The following TEAD1 variants were observed in gnomAD, a reference collection of about 807,000 sequenced individuals.
The protein encoded by TEAD1 is transcriptional enhancer factor TEF-1.
TEAD1 carries 9 observed loss-of-function variants against 54.9 expected under a neutral mutation model. The ratio of observed to expected loss-of-function variants is 0.16; its 90% CI spans 0.10 to 0.29. TEAD1 has a LOEUF of 0.29. Among genes scored for constraint, TEAD1 ranks in the 10% least tolerant of loss-of-function variants. The probability of loss-of-function intolerance (pLI) is 1.00; values close to 1 mark genes in which losing one functional copy is unlikely to be tolerated. For synonymous variants in TEAD1, 200 were observed against 187.8 expected (o/e 1.07, Z -0.53); for missense variants, 387 against 535.9 (o/e 0.72, Z 2.74).
chr11:12,684,928 C>A (rs1271816363), intron 2 of TEAD1, among the ~76,000 whole-genome samples: 1 of 152,166 alleles, frequency 6.6e-6, no homozygotes, highest in East Asian at 1.9e-4. Flanking sequence ...GTGCCTAACT[C>A]CAGGTACTTC....
At chr11:12,850,107 G>T (rs1226920972) in intron 3 of TEAD1, among the ~76,000 whole-genome samples, 1 of 152,160 alleles carries the variant, frequency 6.6e-6, no homozygotes, top group African/African-American at 2.4e-5. Context: ...AAGCAACGAA[G>T]ACATATAAAC....
chr11:12,897,045 G>T (rs1425227922), intron 9 of TEAD1, among the ~76,000 whole-genome samples: 1 of 152,178 alleles, frequency 6.6e-6, no homozygotes, highest in Non-Finnish European at 1.5e-5. Flanking sequence ...GGATATTGAG[G>T]AAATCGAGTC....
intron 11 of TEAD1, among the ~76,000 whole-genome samples, chr11:12,927,398 C>G (rs1277070104): frequency 6.6e-6 from 1 of 152,126 alleles, no homozygotes; most frequent in Non-Finnish European, 1.5e-5. Flanking sequence ...TCTATTCCAC[C>G]CACTATTTGT....
chr11:12,778,521 A>G (rs1411167990), intron 3 of TEAD1, among the ~76,000 whole-genome samples: 1 of 145,910 alleles, frequency 6.9e-6, no homozygotes, highest in Non-Finnish European at 1.5e-5. Flanking sequence ...TAAAGGCCTC[A>G]TCAGACTCTT....
chr11:12,793,498 T>G (rs963890780), intron 3 of TEAD1, among the ~76,000 whole-genome samples: 37 of 152,214 alleles, frequency 2.4e-4, no homozygotes, highest in African/African-American at 8.2e-4. Flanking sequence ...AATGGTATAT[T>G]TTATTATGTA....
At chr11:12,701,902 C>T (rs1002022714) in intron 2 of TEAD1, among the ~76,000 whole-genome samples, 5 of 152,208 alleles carry the variant, frequency 3.3e-5, no homozygotes, top group African/African-American at 4.8e-5. Context: ...ATAAGAAATT[C>T]TATCCAAAGA....
At chr11:12,794,650 C>T (rs1945875728) in intron 3 of TEAD1, among the ~76,000 whole-genome samples, 1 of 152,146 alleles carries the variant, frequency 6.6e-6, no homozygotes, top group African/African-American at 2.4e-5. Context: ...CCTCCTGGGC[C>T]AGAATGGGCC....
rs529060795 is a variant in TEAD1 at position 12,911,242 on chromosome 11, A to T, written c.873+9129A>T. Reference sequence around the variant, plus strand: ...TGTTCAACAAAATGACAGTCACTCTACATAAAACTGGGTTTTATTTAAAGA... The same window carrying T: ...TGTTCAACAAAATGACAGTCACTCTTCATAAAACTGGGTTTTATTTAAAGA... On this transcript the variant is annotated intron_variant, in intron 10 of 12. Transcript: ENST00000527636. Among the ~76,000 whole-genome samples the T allele has an allele frequency of 1.2e-3, 190 of 152,352 alleles. 2 individuals are homozygous for T. The South Asian group carries it at 0.016, about 13-fold the overall frequency.
At chr11:12,892,670 A>G (rs1564980103) in intron 9 of TEAD1, among the ~76,000 whole-genome samples, 2 of 152,290 alleles carry the variant, frequency 1.3e-5, no homozygotes, top group South Asian at 4.1e-4. Flanking sequence ...AAAATAAAAA[A>G]GAAGCAGCAG....
Position 12,940,996 on chromosome 11 carries a change from C to G in TEAD1, c.*3774C>G, listed in dbSNP as rs1021694182. 6.6e-6 allele frequency: 1 copy of G among 152,194 alleles called. No homozygotes were observed. Among genetic ancestry groups the G allele is most frequent in the Non-Finnish European group, 1.5e-5 (1 of 68,060 alleles). 9.4% of individuals were successfully genotyped at this position (152,194 alleles called of 1,614,324 possible). On this transcript the variant is annotated 3_prime_UTR_variant, in exon 13 of 13. Coordinates refer to ENST00000527636, the MANE Select transcript of TEAD1 (RefSeq NM_021961.6). ...AAAGTTGAGGCCAGAGGGGAGGTGA[C>G]ATGTTTAGAGTCACCCAGCTGGTTA...
rs1003780078 is a variant in TEAD1, at chr11:12,828,260, T to C, written c.203-33990T>C. 2.8e-4 allele frequency: 42 copies of C among 152,248 alleles called. 1 individual carries two copies. Among genetic ancestry groups the C allele is most frequent in the Admixed American group, 2.7e-3 (42 of 15,286 alleles). 9.4% of individuals were successfully genotyped at this position (152,248 alleles called of 1,614,324 possible). A position where few individuals can be genotyped will look rare whatever the true frequency, so the allele number is the denominator to read the frequency against. The stretch of plus-strand genomic sequence containing the variant: ...TTCATTCTTCCTCCGTGCAGCCCGC[T>C]GAAACAATTGCTGTGCTTGTTCGGT... On this transcript the variant is annotated intron_variant, in intron 3 of 12. Coordinates refer to ENST00000527636, the MANE Select transcript of TEAD1 (RefSeq NM_021961.6).
intron 3 of TEAD1, among the ~76,000 whole-genome samples, chr11:12,782,354 A>G (rs1181910699): frequency 6.6e-6 from 1 of 152,226 alleles, no homozygotes; most frequent in Non-Finnish European, 1.5e-5. Context: ...AAGATTCATG[A>G]AAGACCACAT....
intron 9 of TEAD1, among the ~76,000 whole-genome samples, chr11:12,892,654 TAAAC>T (rs1452799963): frequency 6.6e-6 from 1 of 151,864 alleles, no homozygotes; most frequent in East Asian, 1.9e-4. Context: ...AAAAAATAAA[TAAAC>T]AAAAATAAAA....
intron 3 of TEAD1, among the ~76,000 whole-genome samples, chr11:12,817,808 G>GT (rs1379858201): frequency 6.6e-6 from 1 of 152,160 alleles, no homozygotes; most frequent in African/African-American, 2.4e-5. Flanking sequence ...TGACTTGAAA[G>GT]TTTGAAGCGC....
intron 3 of TEAD1, among the ~76,000 whole-genome samples, chr11:12,849,835 A>G (rs1947232689): frequency 1.3e-5 from 2 of 152,344 alleles, no homozygotes; most frequent in South Asian, 2.1e-4. Context: ...ATCTATTTCA[A>G]ATTAAAAGAT....
At chr11:12,749,482 C>T (rs1209399445) in intron 2 of TEAD1, among the ~76,000 whole-genome samples, 1 of 152,088 alleles carries the variant, frequency 6.6e-6, no homozygotes, top group Non-Finnish European at 1.5e-5. Context: ...TGGATTTAAT[C>T]AAGGTGTGGC....
At chr11:12,729,732 G>A (rs920384297) in intron 2 of TEAD1, among the ~76,000 whole-genome samples, 1 of 152,182 alleles carries the variant, frequency 6.6e-6, no homozygotes, top group Admixed American at 6.6e-5. Context: ...AGTTGTGTCT[G>A]CTTCCAACCC....
At chr11:12,910,548 G>C (rs1328294340) in intron 10 of TEAD1, among the ~76,000 whole-genome samples, 8 of 152,096 alleles carry the variant, frequency 5.3e-5, no homozygotes, top group Non-Finnish European at 1.2e-4. Context: ...TTTGTATCAT[G>C]TTGCCAGGTT....
chr11:12,732,135 G>A (rs535319924), intron 2 of TEAD1, among the ~76,000 whole-genome samples: 6 of 150,820 alleles, frequency 4.0e-5, no homozygotes, highest in Middle Eastern at 3.4e-3. Context: ...ATTAAATTTC[G>A]ACCTTATTAA....
Sources: gnomAD v4.1 joint callset for allele counts (sites outside exome capture counted in the v4.1 genomes callset) on GRCh38, gnomAD v4.1.1 for gene constraint, MANE v1.5 for transcripts, NCBI Gene and HGNC (gene_info 2026-07-23, HGNC 2026-07-21) for gene names.